The following SPTA1 variants were observed in gnomAD, a reference collection of about 807,000 sequenced individuals.
SPTA1 encodes the protein spectrin alpha, erythrocytic 1.
In SPTA1, 177 loss-of-function variants were observed where a neutral mutation model predicts 324.7. The ratio of observed to expected loss-of-function variants is 0.55; its 90% CI spans 0.48 to 0.62. The LOEUF (loss-of-function observed/expected upper bound fraction) is 0.62. Ranked by LOEUF, SPTA1 falls within the 20% of genes least tolerant of loss-of-function variation. The probability of loss-of-function intolerance (pLI) is 0.00; values close to 1 mark genes in which losing one functional copy is unlikely to be tolerated. For missense variants in SPTA1, 3,162 were observed against 2,883.6 expected, an observed-to-expected ratio of 1.10 and a Z score of -2.21; for synonymous variants, 1,195 against 1,041.3, an observed-to-expected ratio of 1.15 and a Z score of -2.84.
chr1:158,616,803 T>C (rs967896623), intron 47 of SPTA1, among the ~76,000 whole-genome samples: 7 of 152,158 alleles, frequency 4.6e-5, no homozygotes, highest in Non-Finnish European at 7.3e-5. Flanking sequence ...AATCATATGG[T>C]CTTTATCTTT....
At chr1:158,613,642 T>G (rs1278680905) in intron 50 of SPTA1, 79 bp downstream of exon 50, 4 of 1,596,904 alleles carry the variant, frequency 2.5e-6, no homozygotes, top group Non-Finnish European at 3.4e-6. Context: ...TTTCATGTTT[T>G]ATGGATCATT....
At chr1:158,642,304 T>C (rs1651656723) in intron 33 of SPTA1, 107 bp downstream of exon 33, 2 of 1,216,056 alleles carry the variant, frequency 1.6e-6, no homozygotes, top group South Asian at 1.7e-5. Flanking sequence ...AAACTTAAAG[T>C]ATAATAATAA....
Position 158,626,938 on chromosome 1 carries a change from A to T in SPTA1, c.5734T>A (p.Ser1912Thr). The T allele has an allele frequency of 6.2e-7, 1 of 1,613,894 alleles. No individual in the cohort carries two copies. Among genetic ancestry groups the T allele is most frequent in the Non-Finnish European group, 8.5e-7 (1 of 1,179,852 alleles). ...CAAGCAGCTATTGCCTTAGCCAGAG[A>T]AGGGGTCTTTTCATTCAGAGCCTCT... ...KIEALNEKTP[S>T]LAKAIAAWKL... The change falls in exon 41 of 52, where the codon TCT becomes ACT. Residue 1912 changes from serine (S) to threonine (T), a missense_variant. Coordinates refer to ENST00000643759, the MANE Select transcript of SPTA1 (RefSeq NM_003126.4).
chr1:158,669,452 A>G lies in SPTA1; in HGVS notation c.1789T>C (p.Trp597Arg), dbSNP rs578201168. The G allele has an allele frequency of 1.5e-5, 24 of 1,614,156 alleles. No individual in the cohort carries two copies. Among genetic ancestry groups the G allele is most frequent in the African/African-American group, 2.7e-5 (2 of 75,046 alleles). The change falls in exon 14 of 52, where the codon TGG (tryptophan) becomes CGG (arginine). Residue 597 changes from tryptophan (W) to arginine (R), a missense_variant. Transcript: ENST00000643759. ...LYEDSDDLKN[W>R]INKKKKLADD... is the part of the protein sequence containing the mutation. ...GCCAACTTTTTCTTCTTGTTGATCC[A>G]GTTCTTTAGGTCATCTGAGTCCTCA...
At chr1:158,652,801 A>C in intron 22 of SPTA1, 148 bp from the exon 23 acceptor site, 1 of 950,642 alleles carries the variant, frequency 1.1e-6, no homozygotes, top group Non-Finnish European at 1.6e-6. Context: ...GGAGGAAATA[A>C]ACTTAGAAGG....
At chr1:158,619,873 T>A (rs1649798032) in intron 44 of SPTA1, among the ~76,000 whole-genome samples, 1 of 152,144 alleles carries the variant, frequency 6.6e-6, no homozygotes, top group Non-Finnish European at 1.5e-5. Context: ...AATGAATACA[T>A]ATAAAGCCTC....
At chr1:158,618,158 AT>A (rs1649693247) in intron 45 of SPTA1, 102 bp from the exon 46 acceptor site, 3 of 1,272,430 alleles carry the variant, frequency 2.4e-6, no homozygotes, top group Non-Finnish European at 3.4e-6. Flanking sequence ...TTTATGAAAC[AT>A]TTTAAATCTT....
At chr1:158,619,474 A>T in intron 44 of SPTA1, 140 bp from the exon 45 acceptor site, 1 of 824,110 alleles carries the variant, frequency 1.2e-6, no homozygotes, top group Non-Finnish European at 2.1e-6. Context: ...CTGTGTGCTC[A>T]TATTTCATGC....
At chr1:158,627,066 A>G (rs1650327142) in intron 40 of SPTA1, 59 bp from the exon 41 acceptor site, 3 of 1,597,162 alleles carry the variant, frequency 1.9e-6, no homozygotes, top group Non-Finnish European at 2.6e-6. Flanking sequence ...ATGTGAATCC[A>G]TTAGTACCAA....
chr1:158,612,698 G>A, intron 51 of SPTA1, 119 bp downstream of exon 51: 1 of 1,062,214 alleles, frequency 9.4e-7, no homozygotes. Context: ...CTTGTGAAAG[G>A]GGAGGTCTGA....
rs754259284 is a variant in SPTA1, at chr1:158,620,433, C to T, written c.6154G>A (p.Ala2052Thr). The T allele has an allele frequency of 1.2e-6, 2 of 1,613,360 alleles. No homozygotes were observed. Among genetic ancestry groups the T allele is most frequent in the East Asian group, 2.2e-5 (1 of 44,874 alleles). Reference protein sequence around the residue: ...EDLFVEFAHKASALNNWCEKM... With the variant: ...EDLFVEFAHKTSALNNWCEKM... Reference sequence around the variant, plus strand: ...TCACACCAGTTGTTCAAAGCTGAAGCCTTATGTGCAAATTCCACGAACAGG... The same window carrying T: ...TCACACCAGTTGTTCAAAGCTGAAGTCTTATGTGCAAATTCCACGAACAGG... Residue 2052 changes from alanine (A) to threonine (T), a missense_variant, in exon 44 of 52, where the codon GCT (alanine) becomes ACT (threonine). Coordinates refer to ENST00000643759, the MANE Select transcript of SPTA1 (RefSeq NM_003126.4).
chr1:158,686,624 A>G lies in SPTA1; in HGVS notation c.-107T>C. On this transcript the variant is annotated 5_prime_UTR_variant, in exon 1 of 52. Coordinates refer to ENST00000643759, the MANE Select transcript of SPTA1 (RefSeq NM_003126.4). ...AGTCGAATTCAAATAGAAATATAGA[A>G]ACGTTAAGTATGTGGGGGAAAAAAA... is the stretch of plus-strand genomic sequence containing the variant. 5.7e-6 allele frequency: 5 copies of G among 882,372 alleles called. No homozygotes were observed. Among genetic ancestry groups the G allele is most frequent in the Non-Finnish European group, 9.2e-6 (5 of 544,416 alleles). 54.7% of individuals were successfully genotyped at this position (882,372 alleles called of 1,614,324 possible). A position where few individuals can be genotyped will look rare whatever the true frequency, so the allele number is the denominator to read the frequency against.
rs1215224778 is a variant in SPTA1, at chr1:158,656,435, G to A, written c.2898+129C>T. 36 of 836,028 alleles carry A rather than the reference G, an allele frequency of 4.3e-5. No homozygotes were observed. In the East Asian group the frequency reaches 8.5e-4, roughly 20 times the overall value. 51.8% of individuals were successfully genotyped at this position (836,028 alleles called of 1,614,324 possible). A position where few individuals can be genotyped will look rare whatever the true frequency, so the allele number is the denominator to read the frequency against. ...GATGCTACAGTTCCTGCATACAAGG[G>A]TCATAGAACTTAGTGTTTTCTTTGC... On this transcript the variant is annotated intron_variant, in intron 20 of 51. Transcript: ENST00000643759.
At chr1:158,641,201 A>C (rs1478441363) in intron 33 of SPTA1, among the ~76,000 whole-genome samples, 3 of 152,198 alleles carry the variant, frequency 2.0e-5, no homozygotes, top group Admixed American at 1.3e-4. Flanking sequence ...AAAACCATAA[A>C]AACCCTAGAA....
In SPTA1 at chr1:158,648,565, C is replaced by A; in HGVS notation, c.3658G>T (p.Ala1220Ser). 1 of 1,614,016 alleles carries A rather than the reference C, an allele frequency of 6.2e-7. No homozygotes were observed. The highest frequency in any genetic ancestry group is 8.5e-7 in the Non-Finnish European group (1 of 1,179,976). Residue 1220 changes from alanine (A) to serine (S), a missense_variant, in exon 26 of 52, where the codon GCT (alanine) becomes TCT (serine). Coordinates refer to ENST00000643759, the MANE Select transcript of SPTA1 (RefSeq NM_003126.4). ...DPGSDLFSVQ[A>S]LQRRHEGFER... ...AAGCCCTCATGCCGTCGCTGAAGAG[C>A]CTGAACACTGAACAGATCTGAGCCA...
chr1:158,657,469 C>CCCCAAA lies in SPTA1; in HGVS notation c.2805+7_2805+8insTTTGGG. The CCCCAAA allele has an allele frequency of 1.8e-5, 28 of 1,531,928 alleles. No homozygotes were observed. The highest frequency in any genetic ancestry group is 4.2e-5 in the African/African-American group (3 of 71,774). The allele number at this position is 1,531,928 out of a possible 1,614,324, so 94.9% of individuals were successfully genotyped here. A position where few individuals can be genotyped will look rare whatever the true frequency, so the allele number is the denominator to read the frequency against. ...GGATTCACAATGTTAAACCCACCCCCACCTTACCCCAGCTGCTTCTTCATC... is the reference window on the plus strand; with the variant it reads ...GGATTCACAATGTTAAACCCACCCCCCCCAAAACCTTACCCCAGCTGCTTCTTCATC... On this transcript the variant is annotated splice_region_variant and intron_variant, in intron 19 of 51. Transcript: ENST00000643759.
intron 43 of SPTA1, 149 bp downstream of exon 43, chr1:158,622,834 T>G: frequency 1.3e-6 from 1 of 770,750 alleles, no homozygotes; most frequent in Non-Finnish European, 2.2e-6. Flanking sequence ...CAATCTACTT[T>G]TTGCTCAGTA....
Position 158,644,381 on chromosome 1 carries a change from A to T in SPTA1, c.4210T>A (p.Cys1404Ser). The part of the protein sequence containing the change: ...CLELQMFQGN[C>S]DQVESWMVAR... ...ACCATCCAGCTCTCAACTTGATCACAGTTCCCCTGGAACATCTATGAGGAA... is the reference window on the plus strand; with the variant it reads ...ACCATCCAGCTCTCAACTTGATCACTGTTCCCCTGGAACATCTATGAGGAA... Residue 1404 changes from cysteine (C) to serine (S), a missense_variant, in exon 30 of 52, where the codon TGT (cysteine) becomes AGT (serine). By Grantham distance (112) the Cys-to-Ser change is moderately radical. Coordinates refer to ENST00000643759, the MANE Select transcript of SPTA1 (RefSeq NM_003126.4). 1.2e-6 allele frequency: 2 copies of T among 1,613,848 alleles called. No homozygotes were observed. The highest frequency in any genetic ancestry group is 1.7e-6 in the Non-Finnish European group (2 of 1,179,860).
intron 1 of SPTA1, 108 bp from the exon 2 acceptor site, chr1:158,685,455 C>A: frequency 1.1e-5 from 16 of 1,485,070 alleles, no homozygotes; most frequent in Non-Finnish European, 1.5e-5. Flanking sequence ...ATTCAGATAT[C>A]CTGAAGTTTC....
Sources: allele counts gnomAD v4.1 joint callset (sites outside exome capture counted in the v4.1 genomes callset), GRCh38; gene constraint gnomAD v4.1.1; transcripts MANE v1.5; gene names NCBI Gene and HGNC (gene_info 2026-07-23, HGNC 2026-07-21).